SLC44A5: variants seen among roughly 807,000 people sequenced by gnomAD.
SLC44A5 encodes choline transporter-like protein 5.
A neutral mutation model predicts 101.8 loss-of-function variants in SLC44A5; 57 were observed. The ratio of observed to expected loss-of-function variants is 0.56; its 90% CI spans 0.45 to 0.70. The LOEUF (loss-of-function observed/expected upper bound fraction) is 0.70, where lower values mean the gene tolerates loss of function less well. SLC44A5 is among the 30% of genes least tolerant of loss of function. SLC44A5 has a pLI of 0.00. For missense variants in SLC44A5, 737 were observed against 853.1 expected, an observed-to-expected ratio of 0.86 and a Z score of 1.70; for synonymous variants, 281 against 290.9, an observed-to-expected ratio of 0.97 and a Z score of 0.35.
chr1:75,305,442 A>C (rs1654827714), intron 4 of SLC44A5, among the ~76,000 whole-genome samples: 1 of 152,220 alleles, frequency 6.6e-6, no homozygotes, highest in Non-Finnish European at 1.5e-5. Context: ...TACTGTTTAA[A>C]AAATTGCAGG....
chr1:75,259,865 G>A (rs1275266037), intron 6 of SLC44A5, among the ~76,000 whole-genome samples: 2 of 152,254 alleles, frequency 1.3e-5, no homozygotes, highest in African/African-American at 2.4e-5. Context: ...AAGAGAATGG[G>A]GGCCAATATT....
the SLC44A5 span, among the ~76,000 whole-genome samples, chr1:75,634,049 C>G: frequency 6.6e-6 from 1 of 152,090 alleles, no homozygotes; most frequent in Non-Finnish European, 1.5e-5. Context: ...ATTGAACCAG[C>G]CTTGCATCCC....
At chr1:75,705,297 T>A in the SLC44A5 span, among the ~76,000 whole-genome samples, 4 of 152,222 alleles carry the variant, frequency 2.6e-5, no homozygotes, top group African/African-American at 9.6e-5. Context: ...ATCAAGTTTA[T>A]ACTATCTTAA....
intron 4 of SLC44A5, among the ~76,000 whole-genome samples, chr1:75,328,986 G>T (rs1656817909): frequency 6.6e-6 from 1 of 152,170 alleles, no homozygotes; most frequent in Non-Finnish European, 1.5e-5. Flanking sequence ...AAAATGGAGG[G>T]TGTGAGGAGA....
At chr1:75,232,526 C>T (rs1218367960) in intron 12 of SLC44A5, among the ~76,000 whole-genome samples, 1 of 152,038 alleles carries the variant, frequency 6.6e-6, no homozygotes, top group Non-Finnish European at 1.5e-5. Flanking sequence ...TATTTGTTAC[C>T]TGGCTGTGCT....
intron 3 of SLC44A5, among the ~76,000 whole-genome samples, chr1:75,344,766 T>G (rs895121264): frequency 6.6e-6 from 1 of 152,150 alleles, no homozygotes; most frequent in Non-Finnish European, 1.5e-5. Flanking sequence ...CTCATTGAGA[T>G]GTATTTTGGA....
intron 1 of SLC44A5, among the ~76,000 whole-genome samples, chr1:75,572,535 T>G (rs1673126900): frequency 6.6e-6 from 1 of 152,184 alleles, no homozygotes; most frequent in African/African-American, 2.4e-5. Context: ...GCAGACATAT[T>G]ATATTTATCT....
chr1:75,354,758 C>T (rs1170034944), intron 3 of SLC44A5, among the ~76,000 whole-genome samples: 2 of 152,166 alleles, frequency 1.3e-5, no homozygotes, highest in African/African-American at 4.8e-5. Context: ...TTAAGTAAAA[C>T]CTCCTAGGTC....
intron 12 of SLC44A5, among the ~76,000 whole-genome samples, chr1:75,233,010 C>A (rs1361928670): frequency 6.6e-6 from 1 of 152,112 alleles, no homozygotes; most frequent in African/African-American, 2.4e-5. Flanking sequence ...GGAAATCATT[C>A]TTTTAAATAG....
intron 2 of SLC44A5, among the ~76,000 whole-genome samples, chr1:75,441,993 C>T (rs1665233852): frequency 1.3e-5 from 2 of 152,022 alleles, no homozygotes; most frequent in African/African-American, 4.8e-5. Flanking sequence ...ACATATTCTT[C>T]TTTTATAAGA....
At chr1:75,405,165 C>T (rs888442835) in intron 2 of SLC44A5, among the ~76,000 whole-genome samples, 1 of 152,180 alleles carries the variant, frequency 6.6e-6, no homozygotes, top group Non-Finnish European at 1.5e-5. Flanking sequence ...AATATATATG[C>T]ACCCAATACA....
intron 2 of SLC44A5, among the ~76,000 whole-genome samples, chr1:75,503,376 T>C (rs894385096): frequency 6.6e-6 from 1 of 152,090 alleles, no homozygotes; most frequent in Non-Finnish European, 1.5e-5. Flanking sequence ...TTTTTTGTGA[T>C]AGCCAGTGAG....
the SLC44A5 span, among the ~76,000 whole-genome samples, chr1:75,696,664 G>A: frequency 6.6e-6 from 1 of 152,152 alleles, no homozygotes; most frequent in African/African-American, 2.4e-5. Flanking sequence ...GGGAGGCCGA[G>A]GCGGGGAGAC....
At chr1:75,590,310 C>G (rs1674275606) in intron 1 of SLC44A5, among the ~76,000 whole-genome samples, 1 of 152,108 alleles carries the variant, frequency 6.6e-6, no homozygotes, top group African/African-American at 2.4e-5. Context: ...TAGACATACC[C>G]TGGGCCAGAA....
At chr1:75,342,789 G>A (rs1657979861) in intron 3 of SLC44A5, among the ~76,000 whole-genome samples, 1 of 152,136 alleles carries the variant, frequency 6.6e-6, no homozygotes, top group Non-Finnish European at 1.5e-5. Context: ...TAAATGAAAT[G>A]CCATTGTCGA....
At chr1:75,689,517 A>G in the SLC44A5 span, among the ~76,000 whole-genome samples, 1 of 152,220 alleles carries the variant, frequency 6.6e-6, no homozygotes, top group African/African-American at 2.4e-5. Context: ...TTACTAAGCC[A>G]TTGTACGAGG....
chr1:75,463,743 A>G (rs944339117), intron 2 of SLC44A5, among the ~76,000 whole-genome samples: 2 of 152,224 alleles, frequency 1.3e-5, no homozygotes, highest in African/African-American at 4.8e-5. Context: ...AGGAATGTTA[A>G]TTAGTAATAA....
intron 7 of SLC44A5, among the ~76,000 whole-genome samples, chr1:75,248,035 C>T (rs1007307478): frequency 2.0e-5 from 3 of 152,074 alleles, no homozygotes; most frequent in African/African-American, 7.2e-5. Context: ...GATAAAAATC[C>T]TTGTCCTTAA....
chr1:75,459,631 C>T (rs145855860), intron 2 of SLC44A5, among the ~76,000 whole-genome samples: 367 of 152,208 alleles, frequency 2.4e-3, no homozygotes, highest in Admixed American at 4.0e-3. Flanking sequence ...ATAGTTAGCA[C>T]CTGAGCCCTG....
Sources: gnomAD v4.1 joint callset for allele counts (sites outside exome capture counted in the v4.1 genomes callset) on GRCh38, gnomAD v4.1.1 for gene constraint, MANE v1.5 for transcripts, NCBI Gene and HGNC (gene_info 2026-07-23, HGNC 2026-07-21) for gene names.